The following STEAP3 variants were observed in gnomAD, a reference collection of about 807,000 sequenced individuals.
STEAP3 encodes the protein metalloreductase STEAP3.
STEAP3 carries 35 observed loss-of-function variants against 34.9 expected under a neutral mutation model. The observed-to-expected ratio is 1.00, with a 90% CI of 0.76 to 1.33. STEAP3 has a LOEUF of 1.33. STEAP3 is among the 40% of genes most tolerant of loss of function. STEAP3 has a pLI of 0.00. For missense variants in STEAP3, 652 were observed against 667.6 expected (o/e 0.98, Z 0.26); for synonymous variants, 281 against 301.6 (o/e 0.93, Z 0.71).
chr2:119,258,725 A>G (rs1418178320), intron 5 of STEAP3, among the ~76,000 whole-genome samples: 1 of 144,140 alleles, frequency 6.9e-6, no homozygotes, highest in Non-Finnish European at 1.5e-5. Flanking sequence ...CTCCTGCCTC[A>G]GCCTCCCAAG....
chr2:119,261,961 C>T (rs1304430749), intron 5 of STEAP3, among the ~76,000 whole-genome samples: 2 of 152,200 alleles, frequency 1.3e-5, no homozygotes, highest in African/African-American at 4.8e-5. Context: ...TCCCAACGGT[C>T]ACTAATCTCC....
intron 2 of STEAP3, among the ~76,000 whole-genome samples, chr2:119,234,025 G>A (rs566262655): frequency 9.8e-5 from 15 of 152,328 alleles, no homozygotes; most frequent in African/African-American, 2.9e-4. Context: ...GGGCCCCTCC[G>A]AGGCTTCCAG....
intron 4 of STEAP3, 122 bp downstream of exon 4, chr2:119,248,328 A>G: frequency 8.7e-7 from 1 of 1,149,122 alleles, no homozygotes; most frequent in Non-Finnish European, 1.2e-6. Flanking sequence ...TGCCAACTGC[A>G]GATTCTGTTC....
At chr2:119,229,660 CGGGAGAGA>C (rs1679153714) in intron 1 of STEAP3, among the ~76,000 whole-genome samples, 1 of 152,146 alleles carries the variant, frequency 6.6e-6, no homozygotes, top group Admixed American at 6.5e-5. Context: ...AATTCAAAGC[CGGGAGAGA>C]TTGTCAGGGG....
At chr2:119,232,481 G>T (rs989040859) in intron 2 of STEAP3, among the ~76,000 whole-genome samples, 2 of 152,216 alleles carry the variant, frequency 1.3e-5, no homozygotes, top group African/African-American at 4.8e-5. Flanking sequence ...GCATTTGTTA[G>T]GTGCTGGGAT....
At chr2:119,241,867 G>C (rs1053122340) in intron 2 of STEAP3, among the ~76,000 whole-genome samples, 1 of 152,216 alleles carries the variant, frequency 6.6e-6, no homozygotes, top group Admixed American at 6.5e-5. Flanking sequence ...TTCACTTTGG[G>C]CTGGTTCAGT....
At chr2:119,257,428 T>G (rs1019036058) in intron 5 of STEAP3, 13 of 1,461,340 alleles carry the variant, frequency 8.9e-6, no homozygotes, top group Middle Eastern at 1.8e-4. Context: ...TGCAGCTCCC[T>G]AAGTGACTGA....
chr2:119,257,530 A>G, intron 5 of STEAP3: 3 of 1,544,846 alleles, frequency 1.9e-6, no homozygotes, highest in South Asian at 1.2e-5. Context: ...CAAGACCCCC[A>G]CTTACCTGCC....
intron 4 of STEAP3, among the ~76,000 whole-genome samples, chr2:119,250,762 A>G (rs370202363): frequency 6.6e-6 from 1 of 152,038 alleles, no homozygotes; most frequent in African/African-American, 2.4e-5. Context: ...CTGTTAACCC[A>G]ATTCTGCCCT....
intron 4 of STEAP3, among the ~76,000 whole-genome samples, chr2:119,253,672 T>C (rs1260531347): frequency 1.3e-4 from 20 of 152,214 alleles, no homozygotes; most frequent in Admixed American, 1.2e-3. Context: ...CCCGGTCTAG[T>C]TGCACCTTGA....
At chr2:119,231,342 C>CGTGT (rs6146901) in intron 2 of STEAP3, among the ~76,000 whole-genome samples, 5,439 of 143,500 alleles carry the variant, frequency 0.038, 155 homozygotes, top group Non-Finnish European at 0.047. Context: ...CACACAGTTG[C>CGTGT]GTGTGTGTGT....
chr2:119,224,638 A>C (rs1678981347), intron 1 of STEAP3, among the ~76,000 whole-genome samples: 1 of 152,188 alleles, frequency 6.6e-6, no homozygotes, highest in African/African-American at 2.4e-5. Context: ...AGAAGCAGGA[A>C]GGTCCCGCTG....
rs372419812 is a variant in STEAP3, at chr2:119,230,611, G to A, written c.-393-9G>A. 1.5e-4 allele frequency: 37 copies of A among 251,078 alleles called. No homozygotes were observed. The highest frequency in any genetic ancestry group is 6.9e-4 in the African/African-American group (32 of 46,494). 15.6% of individuals were successfully genotyped at this position (251,078 alleles called of 1,614,324 possible). On this transcript the variant is annotated splice_polypyrimidine_tract_variant and intron_variant, in intron 1 of 5. Transcript: ENST00000393110. Reference sequence around the variant, plus strand: ...CTCTCTCTCGCTCACGTGTGTGTGCGCGCGTTAGATGACATTTATTCATTT... The same window carrying A: ...CTCTCTCTCGCTCACGTGTGTGTGCACGCGTTAGATGACATTTATTCATTT...
chr2:119,224,453 T>TGGCAAAGTTCCCCCTCCTGCCC (rs1443059140), intron 1 of STEAP3, among the ~76,000 whole-genome samples: 38 of 152,304 alleles, frequency 2.5e-4, no homozygotes, highest in Non-Finnish European at 4.1e-4. Context: ...AGCCCTTGCC[T>TGGCAAAGTTCCCCCTCCTGCCC]GGCAAAGTTC....
chr2:119,224,218 G>A (rs1386957685), intron 1 of STEAP3, among the ~76,000 whole-genome samples: 1 of 152,230 alleles, frequency 6.6e-6, no homozygotes. Context: ...CCCCGGCTGA[G>A]TCCACAGGTC....
chr2:119,233,824 G>C (rs1394621036), intron 2 of STEAP3, among the ~76,000 whole-genome samples: 1 of 152,200 alleles, frequency 6.6e-6, no homozygotes, highest in Non-Finnish European at 1.5e-5. Context: ...CCAGACTTTT[G>C]AGCTCTTGGG....
chr2:119,249,307 C>G (rs1677551878), intron 4 of STEAP3, among the ~76,000 whole-genome samples: 1 of 152,114 alleles, frequency 6.6e-6, no homozygotes, highest in Non-Finnish European at 1.5e-5. Flanking sequence ...CACCTGTGCC[C>G]ACAGAAACAG....
At chr2:119,244,444 GC>G (rs1677347512) in intron 2 of STEAP3, 2 of 151,582 alleles carry the variant, frequency 1.3e-5, no homozygotes, top group Middle Eastern at 6.8e-3. Context: ...TCCCTGTGTG[GC>G]CCAGGCTGGT....
chr2:119,244,135 C>T (rs2104815734), intron 2 of STEAP3, among the ~76,000 whole-genome samples: 1 of 152,234 alleles, frequency 6.6e-6, no homozygotes, highest in South Asian at 2.1e-4. Flanking sequence ...ACTACAGTAG[C>T]ATTAGGCATG....
Sources: allele counts gnomAD v4.1 joint callset (sites outside exome capture counted in the v4.1 genomes callset), GRCh38; gene constraint gnomAD v4.1.1; transcripts MANE v1.5; gene names NCBI Gene and HGNC (gene_info 2026-07-23, HGNC 2026-07-21).